GLRA3: variants seen among roughly 807,000 people sequenced by gnomAD.
GLRA3 encodes the protein glycine receptor alpha 3.
Under a neutral mutation model 60.4 loss-of-function variants are expected in GLRA3, and 44 were observed. The observed-to-expected ratio is 0.73, with a 90% CI of 0.57 to 0.94. The LOEUF (loss-of-function observed/expected upper bound fraction) is 0.94, where lower values mean the gene tolerates loss of function less well. Ranked by LOEUF, GLRA3 falls within the 40% of genes least tolerant of loss-of-function variation. The pLI is 0.00. For missense variants in GLRA3, 508 were observed against 564.6 expected (o/e 0.90, Z 1.02); for synonymous variants, 223 against 192.9 (o/e 1.16, Z -1.29).
intron 3 of GLRA3, among the ~76,000 whole-genome samples, chr4:174,732,286 C>T (rs1037553496): frequency 4.7e-5 from 7 of 150,454 alleles, no homozygotes; most frequent in South Asian, 4.2e-4. Flanking sequence ...ACCCAGGAGG[C>T]GGAGCTTGCA....
rs192911175 is a variant in GLRA3, at chr4:174,825,828, C to T, written c.71+2913G>A. ...CTAAAGTATAGATGATACTTTAGTG[C>T]TTTTATGTTTTTGAAAGCACTAAAG... On this transcript the variant is annotated intron_variant, in intron 1 of 9. Coordinates refer to ENST00000274093, the MANE Select transcript of GLRA3 (RefSeq NM_006529.4). 1.3e-4 allele frequency among the ~76,000 whole-genome samples: 19 copies of T among 151,996 alleles called. No individual in the cohort carries two copies. The East Asian group carries it at 3.5e-3, about 28-fold the overall frequency.
At chr4:174,730,026 T>C (rs1188973602) in intron 3 of GLRA3, among the ~76,000 whole-genome samples, 1 of 152,208 alleles carries the variant, frequency 6.6e-6, no homozygotes, top group East Asian at 1.9e-4. Context: ...ATATTCTAAC[T>C]GCAACTAAGG....
chr4:174,755,614 T>C (rs1217657187), intron 3 of GLRA3, among the ~76,000 whole-genome samples: 1 of 152,068 alleles, frequency 6.6e-6, no homozygotes, highest in Non-Finnish European at 1.5e-5. Context: ...ATTTGGGATG[T>C]TTATGAATTT....
At chr4:174,726,955 G>C (rs1736350928) in intron 4 of GLRA3, among the ~76,000 whole-genome samples, 1 of 152,100 alleles carries the variant, frequency 6.6e-6, no homozygotes, top group Non-Finnish European at 1.5e-5. Flanking sequence ...GGAGTATAGG[G>C]CTTATTAGTG....
At chr4:174,813,437 C>T (rs1398465200) in intron 1 of GLRA3, among the ~76,000 whole-genome samples, 1 of 152,146 alleles carries the variant, frequency 6.6e-6, no homozygotes, top group African/African-American at 2.4e-5. Context: ...TGCAATGAGG[C>T]TGGACTGAAT....
chr4:174,788,162 A>G (rs1038772277), intron 2 of GLRA3, among the ~76,000 whole-genome samples: 4 of 152,106 alleles, frequency 2.6e-5, no homozygotes, highest in African/African-American at 9.6e-5. Context: ...TTTTACCATT[A>G]AAGTGAAATT....
intron 3 of GLRA3, among the ~76,000 whole-genome samples, chr4:174,744,392 C>A (rs1737149649): frequency 6.6e-6 from 1 of 152,206 alleles, no homozygotes; most frequent in Admixed American, 6.5e-5. Flanking sequence ...GCCCTGGGAG[C>A]CGAAGAACAG....
intron 3 of GLRA3, among the ~76,000 whole-genome samples, chr4:174,756,789 C>CA (rs755176154): frequency 2.2e-4 from 34 of 152,044 alleles, no homozygotes; most frequent in Non-Finnish European, 3.8e-4. Flanking sequence ...GAACTACAGG[C>CA]ACCCGTCACC....
At chr4:174,669,225 A>G (rs1249054844) in intron 7 of GLRA3, among the ~76,000 whole-genome samples, 1 of 152,112 alleles carries the variant, frequency 6.6e-6, no homozygotes, top group East Asian at 1.9e-4. Context: ...AAATAATATT[A>G]ATCTCAAAAG....
At chr4:174,737,434 G>A (rs1579529844) in intron 3 of GLRA3, among the ~76,000 whole-genome samples, 1 of 152,132 alleles carries the variant, frequency 6.6e-6, no homozygotes, top group African/African-American at 2.4e-5. Flanking sequence ...TTTGTCCTCA[G>A]TAAGAAAACT....
At chr4:174,811,636 A>G (rs1033242804) in intron 1 of GLRA3, among the ~76,000 whole-genome samples, 6 of 152,140 alleles carry the variant, frequency 3.9e-5, no homozygotes, top group Non-Finnish European at 8.8e-5. Flanking sequence ...AATTCTCTTT[A>G]CTAGCCTGGA....
chr4:174,683,158 G>A (rs1734420307), intron 5 of GLRA3, among the ~76,000 whole-genome samples: 1 of 151,958 alleles, frequency 6.6e-6, no homozygotes, highest in Non-Finnish European at 1.5e-5. Flanking sequence ...AAACAAAATG[G>A]ACTCATTAAA....
intron 5 of GLRA3, among the ~76,000 whole-genome samples, chr4:174,701,137 G>C (rs1424355787): frequency 6.6e-6 from 1 of 152,122 alleles, no homozygotes. Flanking sequence ...TCAATGCCTG[G>C]CTTCAAAGCT....
chr4:174,721,197 T>C (rs1736117551), intron 4 of GLRA3, among the ~76,000 whole-genome samples: 2 of 152,020 alleles, frequency 1.3e-5, no homozygotes, highest in Non-Finnish European at 2.9e-5. Flanking sequence ...CCTAGCTAAT[T>C]TTTGTATTTT....
At position 174,699,890 on chromosome 4, in the gene GLRA3, AT is replaced by A. The variant is rs1350860085; in HGVS notation, c.574+15597del. 4.0e-5 allele frequency among the ~76,000 whole-genome samples: 6 copies of A among 151,684 alleles called. No individual in the cohort carries two copies. In the East Asian group the frequency reaches 9.7e-4, roughly 24 times the overall value. ...TTAATTAATACTTAATTTGTTAATT[AT>A]TTAATTAATAATTTGTTAAACTTAA... On this transcript the variant is annotated intron_variant, in intron 5 of 9. Transcript: ENST00000274093.
At chr4:174,666,761 A>ATATATATAT (rs1733689752) in intron 7 of GLRA3, among the ~76,000 whole-genome samples, 6 of 72,370 alleles carry the variant, frequency 8.3e-5, no homozygotes, top group African/African-American at 6.3e-4. Flanking sequence ...TATATATATT[A>ATATATATAT]TATATATATA....
At chr4:174,779,218 C>T (rs552728436) in intron 2 of GLRA3, among the ~76,000 whole-genome samples, 11 of 152,152 alleles carry the variant, frequency 7.2e-5, no homozygotes, top group Non-Finnish European at 8.8e-5. Context: ...ACACCTCACA[C>T]GGCAGGGTAC....
At chr4:174,790,832 A>AAAAAAAAAAAAAC (rs1739311956) in intron 1 of GLRA3, among the ~76,000 whole-genome samples, 1 of 146,622 alleles carries the variant, frequency 6.8e-6, no homozygotes, top group East Asian at 2.0e-4. Flanking sequence ...ATACAAAAAA[A>AAAAAAAAAAAAAC]AAAAAAAAAA....
At chr4:174,772,884 G>A (rs1439517388) in intron 2 of GLRA3, among the ~76,000 whole-genome samples, 1 of 152,038 alleles carries the variant, frequency 6.6e-6, no homozygotes, top group African/African-American at 2.4e-5. Context: ...GACAGTCCTT[G>A]GAGATAGATT....
Sources: gnomAD v4.1 joint callset for allele counts (sites outside exome capture counted in the v4.1 genomes callset) on GRCh38, gnomAD v4.1.1 for gene constraint, MANE v1.5 for transcripts, NCBI Gene and HGNC (gene_info 2026-07-23, HGNC 2026-07-21) for gene names.